Variants in FBLN7 observed in about 807,000 individuals in gnomAD.
FBLN7 encodes the protein fibulin-7.
In FBLN7, 31 loss-of-function variants were observed where a neutral mutation model predicts 44.0. The observed-to-expected ratio is 0.70, with a 90% CI of 0.53 to 0.95. FBLN7 has a LOEUF of 0.95. FBLN7 is among the 40% of genes least tolerant of loss of function. FBLN7 has a pLI of 0.00. For synonymous variants in FBLN7, 262 were observed against 253.4 expected, an observed-to-expected ratio of 1.03 and a Z score of -0.32; for missense variants, 573 against 618.5, an observed-to-expected ratio of 0.93 and a Z score of 0.78.
At chr2:112,169,771 A>G (rs35986763) in intron 3 of FBLN7, among the ~76,000 whole-genome samples, 8,201 of 152,194 alleles carry the variant, frequency 0.054, 433 homozygotes, top group African/African-American at 0.14. Context: ...AAGCGAGCTG[A>G]CGTTTGTGGT....
chr2:112,219,241 A>T, the FBLN7 span, among the ~76,000 whole-genome samples: 1 of 152,188 alleles, frequency 6.6e-6, no homozygotes, highest in Non-Finnish European at 1.5e-5. Flanking sequence ...AGATAGACAT[A>T]TAGAGCACTG....
chr2:112,217,910 G>C, the FBLN7 span, among the ~76,000 whole-genome samples: 1 of 152,002 alleles, frequency 6.6e-6, no homozygotes, highest in Non-Finnish European at 1.5e-5. Flanking sequence ...TTGTATGTGT[G>C]TCTGGTTTCT....
chr2:112,171,909 G>C (rs1446713697), intron 3 of FBLN7, among the ~76,000 whole-genome samples: 2 of 152,076 alleles, frequency 1.3e-5, no homozygotes, highest in East Asian at 3.9e-4. Context: ...ACCATACCCG[G>C]CTAATTTTTT....
the FBLN7 span, chr2:112,234,033 A>G: frequency 1.7e-6 from 1 of 573,966 alleles, no homozygotes; most frequent in Non-Finnish European, 2.7e-6. Flanking sequence ...AAACAGCTTT[A>G]AAAACCTAAA....
At chr2:112,151,417 C>T (rs1036711945) in intron 1 of FBLN7, 1 of 152,166 alleles carries the variant, frequency 6.6e-6, no homozygotes, top group African/African-American at 2.4e-5. Flanking sequence ...CCACGGCAGT[C>T]CTGTCACATC....
At chr2:112,241,834 T>G in the FBLN7 span, among the ~76,000 whole-genome samples, 1 of 152,264 alleles carries the variant, frequency 6.6e-6, no homozygotes, top group Admixed American at 6.5e-5. Flanking sequence ...TTTAATATTT[T>G]GATAAACTGT....
intron 1 of FBLN7, among the ~76,000 whole-genome samples, chr2:112,140,851 T>C (rs1680609678): frequency 6.6e-6 from 1 of 152,246 alleles, no homozygotes; most frequent in South Asian, 2.1e-4. Context: ...GCGACTACAT[T>C]TTCTTAAACA....
At chr2:112,178,424 C>T (rs1287162207) in intron 4 of FBLN7, among the ~76,000 whole-genome samples, 1 of 152,080 alleles carries the variant, frequency 6.6e-6, no homozygotes, top group Non-Finnish European at 1.5e-5. Context: ...ACCAGATGTA[C>T]AAAGAAGAGC....
At chr2:112,241,200 C>G in the FBLN7 span, among the ~76,000 whole-genome samples, 1 of 152,084 alleles carries the variant, frequency 6.6e-6, no homozygotes, top group East Asian at 1.9e-4. Context: ...AACAAATTCT[C>G]TCTGCCCTCT....
intron 1 of FBLN7, among the ~76,000 whole-genome samples, chr2:112,146,904 T>C (rs2104540600): frequency 6.6e-6 from 1 of 152,368 alleles, no homozygotes; most frequent in East Asian, 1.9e-4. Flanking sequence ...GATTCGTTTT[T>C]TCAACATTGA....
At chr2:112,213,775 CAAAAAAAAAAAAAAAAAAAAAAA>C in the FBLN7 span, 1 of 24,066 alleles carries the variant, frequency 4.2e-5, no homozygotes, top group Non-Finnish European at 6.5e-5. Flanking sequence ...GACTCCGTCT[CAAAAAAAAAAAAAAAAAAAAAAA>C]AAAAAAAAAA....
At chr2:112,144,215 C>T (rs768268466) in intron 1 of FBLN7, among the ~76,000 whole-genome samples, 3 of 152,088 alleles carry the variant, frequency 2.0e-5, no homozygotes, top group African/African-American at 7.2e-5. Flanking sequence ...AGTTGTTGGC[C>T]GAAGATTCAA....
chr2:112,204,683 A>G, the FBLN7 span, among the ~76,000 whole-genome samples: 1 of 152,196 alleles, frequency 6.6e-6, no homozygotes, highest in Non-Finnish European at 1.5e-5. Flanking sequence ...AAAGCTGTTG[A>G]CCAAGAATTC....
chr2:112,152,421 G>T (rs1681205328), intron 1 of FBLN7: 1 of 152,266 alleles, frequency 6.6e-6, no homozygotes, highest in Non-Finnish European at 1.5e-5. Context: ...CAGGCAGCCA[G>T]CAGGGTTCAA....
the FBLN7 span, among the ~76,000 whole-genome samples, chr2:112,236,219 G>A: frequency 2.8e-4 from 42 of 152,122 alleles, no homozygotes; most frequent in Non-Finnish European, 3.8e-4. Context: ...AGCCGAGATC[G>A]CACCAGCCTG....
chr2:112,193,211 C>T (rs769812882), downstream of FBLN7, among the ~76,000 whole-genome samples: 3 of 152,048 alleles, frequency 2.0e-5, no homozygotes, highest in African/African-American at 4.8e-5. Flanking sequence ...GTGGCCAAGG[C>T]GAGTGGATCA....
At chr2:112,183,888 G>T (rs1343769154) in intron 6 of FBLN7, among the ~76,000 whole-genome samples, 2 of 152,152 alleles carry the variant, frequency 1.3e-5, no homozygotes, top group Admixed American at 1.3e-4. Flanking sequence ...CAGAGAGGCT[G>T]AGAACCCTCG....
At chr2:112,226,652 C>T in the FBLN7 span, among the ~76,000 whole-genome samples, 2 of 133,238 alleles carry the variant, frequency 1.5e-5, no homozygotes, top group Non-Finnish European at 3.2e-5. Context: ...GAAATAATAA[C>T]AAATTTTCAT....
the FBLN7 span, chr2:112,212,827 A>T: frequency 6.6e-6 from 1 of 152,184 alleles, no homozygotes; most frequent in Non-Finnish European, 1.5e-5. Context: ...CAGGTGCTCA[A>T]CCTGAGATAT....
Sources: allele counts gnomAD v4.1 joint callset (sites outside exome capture counted in the v4.1 genomes callset), GRCh38; gene constraint gnomAD v4.1.1; transcripts MANE v1.5; gene names NCBI Gene and HGNC (gene_info 2026-07-23, HGNC 2026-07-21).